PRORP: variants seen among roughly 807,000 people sequenced by gnomAD.
The protein encoded by PRORP is mitochondrial ribonuclease P catalytic subunit.
A neutral mutation model predicts 59.4 loss-of-function variants in PRORP; 51 were observed. The observed-to-expected ratio is 0.86, with a 90% CI of 0.69 to 1.08. The LOEUF is 1.08. Among genes scored for constraint, PRORP ranks in the 50% least tolerant of loss-of-function variants. The pLI is 0.00. For missense variants in PRORP, 646 were observed against 690.3 expected (o/e 0.94, Z 0.72); for synonymous variants, 231 against 245.6 (o/e 0.94, Z 0.55).
chr14:35,230,050 CTTTT>C (rs35309046), intron 5 of PRORP, among the ~76,000 whole-genome samples: 8 of 109,104 alleles, frequency 7.3e-5, no homozygotes, highest in Non-Finnish European at 7.5e-5. Flanking sequence ...ACTGTAAATT[CTTTT>C]TTTTTTTTTT....
In PRORP at chr14:35,234,738, G is replaced by A. The variant is rs113472481; in HGVS notation, c.1276-31989G>A. ...GTGTCACCCAGTTTGGAGTGCAGTG[G>A]TGTGATCATAGCTTACTGTAGCCTC... On this transcript the variant is annotated intron_variant, in intron 5 of 7. Coordinates refer to ENST00000534898, the MANE Select transcript of PRORP (RefSeq NM_014672.4). 2.7e-5 allele frequency among the ~76,000 whole-genome samples: 4 copies of A among 148,144 alleles called. 1 individual carries two copies. Among genetic ancestry groups the A allele is most frequent in the African/African-American group, 1.0e-4 (4 of 40,150 alleles).
chr14:35,161,341 G>C (rs1387469811), intron 4 of PRORP, among the ~76,000 whole-genome samples: 2 of 152,164 alleles, frequency 1.3e-5, no homozygotes, highest in Non-Finnish European at 2.9e-5. Context: ...GCCCAGAGAA[G>C]TGAAGCGATT....
intron 4 of PRORP, among the ~76,000 whole-genome samples, chr14:35,128,342 G>A (rs1277353680): frequency 1.3e-5 from 2 of 151,478 alleles, no homozygotes; most frequent in African/African-American, 4.8e-5. Flanking sequence ...TGGTATCAAG[G>A]TAACACTAGC....
chr14:35,248,899 T>C (rs768980975), intron 5 of PRORP, among the ~76,000 whole-genome samples: 9 of 152,202 alleles, frequency 5.9e-5, no homozygotes, highest in Non-Finnish European at 1.3e-4. Flanking sequence ...TAAAAACAAG[T>C]AGAAAACCGC....
At chr14:35,232,192 AT>A (rs35565906) in intron 5 of PRORP, among the ~76,000 whole-genome samples, 258 of 142,472 alleles carry the variant, frequency 1.8e-3, no homozygotes, top group Middle Eastern at 3.7e-3. Flanking sequence ...GGCCATGCAG[AT>A]TTTTTTTTTT....
rs149163758 is a variant in PRORP, at chr14:35,215,973, G to A, written c.1275+35196G>A. Among the ~76,000 whole-genome samples, 841 of 151,238 alleles carry A rather than the reference G, an allele frequency of 5.6e-3. 9 individuals are homozygous for A. The highest frequency in any genetic ancestry group is 0.019 in the African/African-American group (790 of 41,246). Reference sequence around the variant, plus strand: ...GTAGAGACCGGGTTTCACCACGTTGGCCAGCCTGGTCTTGAACTCCTGACC... The same window carrying A: ...GTAGAGACCGGGTTTCACCACGTTGACCAGCCTGGTCTTGAACTCCTGACC... On this transcript the variant is annotated intron_variant, in intron 5 of 7. Coordinates refer to ENST00000534898, the MANE Select transcript of PRORP (RefSeq NM_014672.4).
Position 35,202,200 on chromosome 14 carries a change from G to A in PRORP, c.1275+21423G>A, listed in dbSNP as rs527532690. On this transcript the variant is annotated intron_variant, in intron 5 of 7. Transcript: ENST00000534898. ...TCTCGATCTCCTGACCTCGTGATCC[G>A]CTCGCCTCAGCCTCCCAAGTGCTGA... Among the ~76,000 whole-genome samples, 72 of 151,624 alleles carry A rather than the reference G, an allele frequency of 4.7e-4. No homozygotes were observed. In the South Asian group the frequency reaches 0.014, roughly 29 times the overall value.
At chr14:35,226,525 C>T (rs1217897343) in intron 5 of PRORP, among the ~76,000 whole-genome samples, 1 of 152,128 alleles carries the variant, frequency 6.6e-6, no homozygotes, top group African/African-American at 2.4e-5. Flanking sequence ...CTCCACTGTT[C>T]AGACAACAAC....
At chr14:35,222,702 C>G (rs1191074624) in intron 5 of PRORP, 2 of 152,172 alleles carry the variant, frequency 1.3e-5, no homozygotes, top group Non-Finnish European at 2.9e-5. Context: ...GTCTCTTCAC[C>G]TAGGTAGAAC....
intron 5 of PRORP, chr14:35,262,609 A>C (rs1359976512): frequency 8.2e-6 from 6 of 732,786 alleles, no homozygotes; most frequent in Non-Finnish European, 1.5e-5. Context: ...CTTGGAAAGA[A>C]AGAAAAGAGG....
intron 4 of PRORP, among the ~76,000 whole-genome samples, chr14:35,134,342 G>A (rs572347998): frequency 1.3e-5 from 2 of 152,304 alleles, no homozygotes; most frequent in South Asian, 4.1e-4. Flanking sequence ...AGCTTGTGGT[G>A]CATGCTGCCT....
chr14:35,180,768 A>G lies in PRORP; in HGVS notation c.1266A>G (p.Glu422=), dbSNP rs778144088. 1.3e-6 allele frequency: 2 copies of G among 1,596,004 alleles called. No individual in the cohort carries two copies. The highest frequency in any genetic ancestry group is 2.7e-5 in the African/African-American group (2 of 74,474). ...CCAAAATGTTTCCTAAAGTTCGTGA[A>G]TCTCAACTTGTAAGTATAAGTTTTA... ...NVAKMFPKVR[E]SQLLLNVVSQ... The change falls in exon 5 of 8, where the codon GAA becomes GAG. Residue 422 remains glutamate (E), a synonymous_variant. Transcript: ENST00000534898.
chr14:35,219,309 ACT>A (rs1168843961), intron 5 of PRORP: 11 of 152,060 alleles, frequency 7.2e-5, no homozygotes, highest in African/African-American at 2.7e-4. Context: ...GCCCCTTAGG[ACT>A]CTCTGCATGG....
chr14:35,223,668 C>T (rs561270524), intron 5 of PRORP, among the ~76,000 whole-genome samples: 13 of 152,078 alleles, frequency 8.5e-5, no homozygotes, highest in African/African-American at 2.9e-4. Context: ...ACTGTGTTAG[C>T]CAGGATGGTC....
chr14:35,265,991 G>A (rs1166664262), intron 5 of PRORP, among the ~76,000 whole-genome samples: 7 of 143,112 alleles, frequency 4.9e-5, no homozygotes, highest in Non-Finnish European at 1.1e-4. Context: ...GCCTGGGCAG[G>A]ATCGTGAGAT....
intron 4 of PRORP, among the ~76,000 whole-genome samples, chr14:35,141,346 G>T (rs1386357340): frequency 7.0e-6 from 1 of 143,586 alleles, no homozygotes; most frequent in Non-Finnish European, 1.5e-5. Flanking sequence ...CTGCAGCCTT[G>T]AACTCCTGGG....
rs914563437 is a variant in PRORP at position 35,270,261 on chromosome 14, G to A, written c.1425-140G>A. 1.4e-5 allele frequency: 10 copies of A among 715,016 alleles called. No individual in the cohort carries two copies. The African/African-American group carries it at 1.4e-4, about 10-fold the overall frequency. 44.3% of individuals were successfully genotyped at this position (715,016 alleles called of 1,614,324 possible). ...CTTACCAGCTAAGGACTTTGAGGTGGTTCTTAAGTATTACTAGCATCATGT... is the reference window on the plus strand; with the variant it reads ...CTTACCAGCTAAGGACTTTGAGGTGATTCTTAAGTATTACTAGCATCATGT... On this transcript the variant is annotated intron_variant, in intron 6 of 7. Coordinates refer to ENST00000534898, the MANE Select transcript of PRORP (RefSeq NM_014672.4).
intron 4 of PRORP, among the ~76,000 whole-genome samples, chr14:35,151,639 T>C (rs12147502): frequency 1.1e-3 from 161 of 141,740 alleles, no homozygotes; most frequent in Middle Eastern, 3.7e-3. Flanking sequence ...CACACACACA[T>C]ACACACACAC....
chr14:35,130,658 A>G (rs1376732687), intron 4 of PRORP, among the ~76,000 whole-genome samples: 1 of 151,326 alleles, frequency 6.6e-6, no homozygotes, highest in Non-Finnish European at 1.5e-5. Flanking sequence ...TAATTTTTGT[A>G]TTTTTAGTAG....
Sources: allele counts gnomAD v4.1 joint callset (sites outside exome capture counted in the v4.1 genomes callset), GRCh38; gene constraint gnomAD v4.1.1; transcripts MANE v1.5; gene names NCBI Gene and HGNC (gene_info 2026-07-23, HGNC 2026-07-21).